The following CNTNAP2 variants were observed in gnomAD, a reference collection of about 807,000 sequenced individuals.
CNTNAP2 encodes contactin-associated protein-like 2.
A neutral mutation model predicts 155.2 loss-of-function variants in CNTNAP2; 98 were observed. The observed-to-expected ratio is 0.63, with a 90% CI of 0.54 to 0.75. The LOEUF (loss-of-function observed/expected upper bound fraction) is 0.75, where lower values mean the gene tolerates loss of function less well. Ranked by LOEUF, CNTNAP2 falls within the 30% of genes least tolerant of loss-of-function variation. CNTNAP2 has a pLI of 0.00. For synonymous variants in CNTNAP2, 651 were observed against 631.2 expected (o/e 1.03, Z -0.47); for missense variants, 1,727 against 1,688.1 (o/e 1.02, Z -0.40).
At chr7:147,124,441 T>C (rs1199323946) in intron 6 of CNTNAP2, among the ~76,000 whole-genome samples, 1 of 152,192 alleles carries the variant, frequency 6.6e-6, no homozygotes, top group Non-Finnish European at 1.5e-5. Flanking sequence ...CCCTGATATA[T>C]AGCATTTGTT....
At chr7:147,252,919 G>A (rs752034457) in intron 8 of CNTNAP2, among the ~76,000 whole-genome samples, 38 of 152,148 alleles carry the variant, frequency 2.5e-4, no homozygotes, top group Non-Finnish European at 4.9e-4. Context: ...GTGGTTTGTG[G>A]CAGAGGCTGG....
intron 1 of CNTNAP2, among the ~76,000 whole-genome samples, chr7:146,718,446 T>C (rs1370053906): frequency 6.6e-6 from 1 of 152,174 alleles, no homozygotes; most frequent in African/African-American, 2.4e-5. Flanking sequence ...TGCTAAGGAC[T>C]GCTTGGAGTC....
At chr7:147,258,864 A>G (rs1804391535) in intron 8 of CNTNAP2, among the ~76,000 whole-genome samples, 1 of 152,154 alleles carries the variant, frequency 6.6e-6, no homozygotes, top group Admixed American at 6.5e-5. Context: ...TCCCAACACC[A>G]ATGCATGTTC....
intron 1 of CNTNAP2, among the ~76,000 whole-genome samples, chr7:146,214,102 T>C (rs1031232448): frequency 2.0e-5 from 3 of 152,184 alleles, no homozygotes; most frequent in African/African-American, 7.2e-5. Context: ...CATTGCTATA[T>C]GTTGTTGTAA....
chr7:147,168,911 A>G (rs139981481), intron 8 of CNTNAP2, among the ~76,000 whole-genome samples: 208 of 152,280 alleles, frequency 1.4e-3, no homozygotes, highest in African/African-American at 4.9e-3. Context: ...TATATGACAT[A>G]TAGAATATAG....
At chr7:147,703,120 G>A (rs574601231) in intron 13 of CNTNAP2, among the ~76,000 whole-genome samples, 7 of 151,982 alleles carry the variant, frequency 4.6e-5, no homozygotes, top group Non-Finnish European at 8.8e-5. Context: ...TAACCACTGC[G>A]CCTGTTTCCT....
At chr7:146,463,308 A>G (rs1183893262) in intron 1 of CNTNAP2, among the ~76,000 whole-genome samples, 1 of 152,038 alleles carries the variant, frequency 6.6e-6, no homozygotes, top group Non-Finnish European at 1.5e-5. Flanking sequence ...ATTTCCATGT[A>G]TTCACCTTTC....
intron 1 of CNTNAP2, among the ~76,000 whole-genome samples, chr7:146,432,238 TTAAA>T (rs1209149395): frequency 1.3e-5 from 2 of 152,138 alleles, no homozygotes; most frequent in Non-Finnish European, 2.9e-5. Context: ...GTGTTTCCTG[TTAAA>T]TAATTCTTAA....
chr7:146,731,512 G>T (rs988038692), intron 1 of CNTNAP2, among the ~76,000 whole-genome samples: 1 of 151,740 alleles, frequency 6.6e-6, no homozygotes, highest in African/African-American at 2.4e-5. Context: ...CCAAGATCTG[G>T]GTTCAAAGAC....
rs942420379 is a variant in CNTNAP2 at position 146,479,930 on chromosome 7, G to A, written c.98-294341G>A. ...CTCCAGAGTAGCTGGGATTACAGGC[G>A]CCCGCCAACACGCCCGGCTAATTTT... On this transcript the variant is annotated intron_variant, in intron 1 of 23. Transcript: ENST00000361727. 3.3e-5 allele frequency among the ~76,000 whole-genome samples: 5 copies of A among 151,956 alleles called. No homozygotes were observed. The East Asian group carries it at 7.7e-4, about 23-fold the overall frequency.
At chr7:148,297,922 A>G (rs554973616) in intron 21 of CNTNAP2, among the ~76,000 whole-genome samples, 128 of 152,250 alleles carry the variant, frequency 8.4e-4, no homozygotes, top group African/African-American at 3.0e-3. Context: ...CCTGGCTGTG[A>G]GTTCCCAAAC....
At chr7:147,626,728 C>A (rs1226345156) in intron 12 of CNTNAP2, among the ~76,000 whole-genome samples, 1 of 152,150 alleles carries the variant, frequency 6.6e-6, no homozygotes, top group Non-Finnish European at 1.5e-5. Context: ...GCCATTACAG[C>A]AACTCATGGT....
At chr7:148,113,499 C>T (rs1397391284) in intron 15 of CNTNAP2, among the ~76,000 whole-genome samples, 2 of 152,210 alleles carry the variant, frequency 1.3e-5, no homozygotes, top group East Asian at 1.9e-4. Context: ...TGGGTGGGAA[C>T]ACAGATTTAA....
intron 1 of CNTNAP2, among the ~76,000 whole-genome samples, chr7:146,364,867 T>C (rs1468089084): frequency 6.6e-6 from 1 of 152,338 alleles, no homozygotes; most frequent in African/African-American, 2.4e-5. Flanking sequence ...ACAAATCTGA[T>C]TAAAAATAGC....
intron 15 of CNTNAP2, among the ~76,000 whole-genome samples, chr7:148,073,433 G>A (rs528921195): frequency 6.6e-6 from 1 of 152,314 alleles, no homozygotes; most frequent in South Asian, 2.1e-4. Context: ...CAAGTAGTAT[G>A]ATGAAATCTT....
chr7:147,853,728 G>A (rs1798990042), intron 13 of CNTNAP2, among the ~76,000 whole-genome samples: 1 of 152,144 alleles, frequency 6.6e-6, no homozygotes, highest in Non-Finnish European at 1.5e-5. Context: ...TGGCATTGAT[G>A]ATCTATAAAT....
intron 1 of CNTNAP2, among the ~76,000 whole-genome samples, chr7:146,623,574 C>A (rs1799369992): frequency 6.6e-6 from 1 of 152,140 alleles, no homozygotes; most frequent in Non-Finnish European, 1.5e-5. Flanking sequence ...ATTTAACATT[C>A]ATTCTTGTCT....
intron 14 of CNTNAP2, among the ~76,000 whole-genome samples, chr7:147,972,999 A>C (rs1007421235): frequency 3.9e-5 from 6 of 151,946 alleles, no homozygotes; most frequent in Admixed American, 3.3e-4. Context: ...CTACAAAAAA[A>C]ACATTTAAAA....
intron 1 of CNTNAP2, among the ~76,000 whole-genome samples, chr7:146,365,539 A>T (rs920768190): frequency 6.6e-6 from 1 of 152,212 alleles, no homozygotes; most frequent in African/African-American, 2.4e-5. Flanking sequence ...AATGAATCTT[A>T]CCTTATCAAA....
Sources: allele counts gnomAD v4.1 joint callset (sites outside exome capture counted in the v4.1 genomes callset), GRCh38; gene constraint gnomAD v4.1.1; transcripts MANE v1.5; gene names NCBI Gene and HGNC (gene_info 2026-07-23, HGNC 2026-07-21).